The following ARHGEF19 variants were observed in gnomAD, a reference collection of about 807,000 sequenced individuals.
The protein encoded by ARHGEF19 is Rho guanine nucleotide exchange factor 19.
In ARHGEF19, 92 loss-of-function variants were observed where a neutral mutation model predicts 87.6. The ratio of observed to expected loss-of-function variants is 1.05; its 90% CI spans 0.89 to 1.25. The LOEUF (loss-of-function observed/expected upper bound fraction) is 1.25. Among genes scored for constraint, ARHGEF19 ranks in the 50% most tolerant of loss-of-function variants. ARHGEF19 has a pLI of 0.00. For missense variants in ARHGEF19, 1,054 were observed against 1,051.8 expected (o/e 1.00, Z -0.03); for synonymous variants, 438 against 446.2 (o/e 0.98, Z 0.23).
At chr1:16,209,667 C>A (rs539299850) in intron 1 of ARHGEF19, among the ~76,000 whole-genome samples, 1 of 152,194 alleles carries the variant, frequency 6.6e-6, no homozygotes, top group African/African-American at 2.4e-5. Context: ...CTCACAAACA[C>A]GCTGACCCGT....
chr1:16,206,661 G>A lies in ARHGEF19; in HGVS notation c.1137+287C>T. 1.9e-6 allele frequency: 1 copy of A among 514,952 alleles called. No individual in the cohort carries two copies. The highest frequency in any genetic ancestry group is 3.4e-5 in the East Asian group (1 of 29,324). 31.9% of individuals were successfully genotyped at this position (514,952 alleles called of 1,614,324 possible). On this transcript the variant is annotated intron_variant, in intron 6 of 15. Transcript: ENST00000270747. This position sits in a 1 kb window ranked among gnomAD's most constrained non-coding sequence, Gnocchi z 4.6. ...CCACCAGGCGTTTGCTCTTCCAATG[G>A]TTCCGCTCCTCATCCGGCCCTGTCC...
chr1:16,208,131 C>G lies in ARHGEF19; in HGVS notation c.507G>C (p.Gln169His). Residue 169 changes from glutamine to histidine, a missense_variant, in exon 3 of 16, where the codon CAG becomes CAC. Gln to His is a conservative substitution (Grantham distance 24, BLOSUM62 0). Transcript: ENST00000270747. ...FLEPGQVVQE[Q>H]ALSTEEPRVE... Reference sequence around the variant, plus strand: ...CCCTGGGCTCCTCTGTGCTCAGGGCCTGCTCTTGCACTACCTGGCCAGGCT... The same window carrying G: ...CCCTGGGCTCCTCTGTGCTCAGGGCGTGCTCTTGCACTACCTGGCCAGGCT... The G allele has an allele frequency of 6.2e-7, 1 of 1,613,520 alleles. No homozygotes were observed. The highest frequency in any genetic ancestry group is 1.1e-5 in the South Asian group (1 of 91,062).
chr1:16,200,418 C>CT (rs1234105809), intron 14 of ARHGEF19, among the ~76,000 whole-genome samples: 2 of 152,236 alleles, frequency 1.3e-5, no homozygotes, highest in Non-Finnish European at 2.9e-5. Flanking sequence ...CCTTTACTAC[C>CT]TAAAGCTCAG....
chr1:16,209,970 C>T (rs1390567016), intron 1 of ARHGEF19, among the ~76,000 whole-genome samples: 1 of 152,382 alleles, frequency 6.6e-6, no homozygotes, highest in South Asian at 2.1e-4. Flanking sequence ...GTCCCCCACC[C>T]CAGCTTCCAG....
Position 16,206,560 on chromosome 1 carries a change from C to T in ARHGEF19, c.1138-220G>A, listed in dbSNP as rs1348267691. 1.7e-6 allele frequency: 1 copy of T among 574,352 alleles called. No individual in the cohort carries two copies. Among genetic ancestry groups the T allele is most frequent in the South Asian group, 2.1e-5 (1 of 47,496 alleles). The allele number at this position is 574,352 out of a possible 1,614,324, so 35.6% of individuals were successfully genotyped here. A position where few individuals can be genotyped will look rare whatever the true frequency, so the allele number is the denominator to read the frequency against. On this transcript the variant is annotated intron_variant, in intron 6 of 15. Coordinates refer to ENST00000270747, the MANE Select transcript of ARHGEF19 (RefSeq NM_153213.5). The surrounding 1 kb of genome is among the most constrained non-coding windows in gnomAD (Gnocchi z 4.6). Reference sequence around the variant, plus strand: ...GATCCCGCCCCTCTCCTAAGCCCCGCCCCGACGCGTTCTTCCCAGAGCCCC... The same window carrying T: ...GATCCCGCCCCTCTCCTAAGCCCCGTCCCGACGCGTTCTTCCCAGAGCCCC...
At position 16,208,659 on chromosome 1, in the gene ARHGEF19, C is replaced by A; in HGVS notation, c.396G>T (p.Ser132=). 6.2e-7 allele frequency: 1 copy of A among 1,604,336 alleles called. No homozygotes were observed. Among genetic ancestry groups the A allele is most frequent in the Non-Finnish European group, 8.5e-7 (1 of 1,177,000 alleles). ...TQPQRRASHG[S]EKKSAWRKMR... is the part of the protein sequence containing the mutation. The stretch of plus-strand genomic sequence containing the variant: ...GTGACTCACAGGCAGACTTCTTCTC[C>A]GAGCCGTGGCTGGCCCGGCGCTGTG... Residue 132 remains serine (S), a synonymous_variant, in exon 2 of 16, where the codon TCG becomes TCT. Transcript: ENST00000270747.
rs1029088276 is a variant in ARHGEF19, at chr1:16,212,544, C to T, written c.-72G>A. 1 of 152,532 alleles carries T rather than the reference C, an allele frequency of 6.6e-6. No homozygotes were observed. Among genetic ancestry groups the T allele is most frequent in the Non-Finnish European group, 1.5e-5 (1 of 68,328 alleles). The allele number at this position is 152,532 out of a possible 1,614,324, so 9.4% of individuals were successfully genotyped here. A position where few individuals can be genotyped will look rare whatever the true frequency, so the allele number is the denominator to read the frequency against. On this transcript the variant is annotated 5_prime_UTR_variant, in exon 1 of 16. Transcript: ENST00000270747. Reference sequence around the variant, plus strand: ...GTCCAGCTGCCAGCACGGTCCAGGGCTCCGGGACACCCTGGGGGCTCTGGG... The same window carrying T: ...GTCCAGCTGCCAGCACGGTCCAGGGTTCCGGGACACCCTGGGGGCTCTGGG...
rs1191608992 is a variant in ARHGEF19, at chr1:16,198,824, G to C, written c.2252-80C>G. 4.0e-6 allele frequency: 6 copies of C among 1,499,546 alleles called. No individual in the cohort carries two copies. In the African/African-American group the frequency reaches 8.4e-5, roughly 21 times the overall value. 92.9% of individuals were successfully genotyped at this position (1,499,546 alleles called of 1,614,324 possible). The stretch of plus-strand genomic sequence containing the variant: ...TGGAAGGGAACACCACAGCCCTGAT[G>C]CAAGCTTTGTCTGCACCCTTGGGGC... On this transcript the variant is annotated intron_variant, in intron 15 of 15. Transcript: ENST00000270747. This position sits in a 1 kb window ranked among gnomAD's most constrained non-coding sequence, Gnocchi z 4.1.
rs748452389 is a variant in ARHGEF19 at position 16,205,393 on chromosome 1, T to C, written c.1614A>G (p.Glu538=). The C allele has an allele frequency of 6.2e-7, 1 of 1,613,254 alleles. No homozygotes were observed. Among genetic ancestry groups the C allele is most frequent in the African/African-American group, 1.3e-5 (1 of 74,894 alleles). The change falls in exon 10 of 16, where the codon GAA becomes GAG. Residue 538 remains glutamate, a synonymous_variant. Transcript: ENST00000270747. This position sits in a 1 kb window ranked among gnomAD's most constrained non-coding sequence, Gnocchi z 5.8. ...AGGCCTTGGTGGCCATGTCTTCGTCTTCAGAGCCCTGTGCTGTCCGCTTCA... is the reference window on the plus strand; with the variant it reads ...AGGCCTTGGTGGCCATGTCTTCGTCCTCAGAGCCCTGTGCTGTCCGCTTCA... ...NILKRTAQGS[E]DEDMATKAFN...
Position 16,208,170 on chromosome 1 carries a change from GT to G in ARHGEF19, c.467del (p.His156ProfsTer5). 1 of 1,613,332 alleles carries G rather than the reference GT, an allele frequency of 6.2e-7. No homozygotes were observed. On this transcript the variant is annotated frameshift_variant, in exon 3 of 16. Transcript: ENST00000270747. LOFTEE classifies it high-confidence loss of function. ...CCTGGCCAGGCTCTAGGAAGACAGC[GT>G]GGGCCTCGGGGCAGCCGGGGACCTC... The part of the protein sequence containing the change: ...REEVPGCPEA[H>X]AVFLEPGQVV...
intron 1 of ARHGEF19, 148 bp from the exon 2 acceptor site, chr1:16,209,231 G>A (rs539626598): frequency 2.0e-6 from 1 of 509,774 alleles, no homozygotes; most frequent in South Asian, 6.7e-5. Context: ...TATAGAAATA[G>A]CTGATACTTG....
chr1:16,201,997 GC>G, intron 13 of ARHGEF19, 136 bp from the exon 14 acceptor site: 2 of 810,650 alleles, frequency 2.5e-6, no homozygotes, highest in Non-Finnish European at 3.8e-6. Context: ...ACCCATGTCT[GC>G]CCCACCCCAG....
intron 14 of ARHGEF19, 37 bp from the exon 15 acceptor site, chr1:16,199,291 C>G: frequency 1.3e-6 from 2 of 1,593,504 alleles, no homozygotes; most frequent in South Asian, 2.2e-5. Flanking sequence ...GTCCCAAGGG[C>G]AGGATGGCAG....
At chr1:16,209,152 A>G in intron 1 of ARHGEF19, 69 bp from the exon 2 acceptor site, 1 of 1,239,634 alleles carries the variant, frequency 8.1e-7, no homozygotes, top group East Asian at 3.0e-5. Context: ...CCACCCCTGG[A>G]GGCCTGGACA....
At chr1:16,200,734 A>ACT (rs762096941) in intron 14 of ARHGEF19, among the ~76,000 whole-genome samples, 1 of 144,332 alleles carries the variant, frequency 6.9e-6, no homozygotes, top group Non-Finnish European at 1.5e-5. Context: ...GCAGGGTGAG[A>ACT]CTCTGTCTCA....
Position 16,205,187 on chromosome 1 carries a change from C to T in ARHGEF19, c.1657-11G>A, listed in dbSNP as rs373779010. 62 of 1,593,844 alleles carry T rather than the reference C, an allele frequency of 3.9e-5. No homozygotes were observed. The highest frequency in any genetic ancestry group is 1.2e-4 in the South Asian group (11 of 88,714). On this transcript the variant is annotated splice_polypyrimidine_tract_variant and intron_variant, in intron 10 of 15. Coordinates refer to ENST00000270747, the MANE Select transcript of ARHGEF19 (RefSeq NM_153213.5). This position sits in a 1 kb window ranked among gnomAD's most constrained non-coding sequence, Gnocchi z 5.8. ...GCACTCCTGCACCAGCTGGGGGAGC[C>T]GTGGGGAGGTCACCTGCAGCCCCTC...
In ARHGEF19 at chr1:16,204,775, G is replaced by C. The variant is rs748942395; in HGVS notation, c.1891C>G (p.Leu631Val). The C allele has an allele frequency of 1.1e-5, 17 of 1,604,144 alleles. No homozygotes were observed. In the Admixed American group the frequency reaches 2.7e-4, roughly 25 times the overall value. The change falls in exon 12 of 16, where the codon CTC becomes GTC. Residue 631 changes from leucine (L) to valine (V), a missense_variant. Coordinates refer to ENST00000270747, the MANE Select transcript of ARHGEF19 (RefSeq NM_153213.5). ...CCGACTCACTCCTTCCGCCGAGAGA[G>C]CAGCAAGCAGTCATTGAAGAGGTGG... ...YLHLFNDCLL[L>V]SRRKELGKFA...
chr1:16,203,652 T>A (rs1424209288), intron 12 of ARHGEF19, among the ~76,000 whole-genome samples: 1 of 152,198 alleles, frequency 6.6e-6, no homozygotes, highest in Non-Finnish European at 1.5e-5. Context: ...TCCAGCCACA[T>A]TAGGCTTCAT....
chr1:16,207,960 G>T lies in ARHGEF19; in HGVS notation c.678C>A (p.Thr226=), dbSNP rs758325900. 2.6e-5 allele frequency: 41 copies of T among 1,605,686 alleles called. No individual in the cohort carries two copies. The East Asian group carries it at 8.3e-4, about 33-fold the overall frequency. ...AARALISGSG[T]GAAREGKASG... ...AGCTGGTACCTTCCCGGGCTGCTCCGGTGCCTGACCCAGAGATGAGTGCCC... is the reference window on the plus strand; with the variant it reads ...AGCTGGTACCTTCCCGGGCTGCTCCTGTGCCTGACCCAGAGATGAGTGCCC... The change falls in exon 3 of 16, where the codon ACC becomes ACA. Residue 226 remains threonine (T), a synonymous_variant. Transcript: ENST00000270747. This position sits in a 1 kb window ranked among gnomAD's most constrained non-coding sequence, Gnocchi z 4.0.
Sources: allele counts gnomAD v4.1 joint callset (sites outside exome capture counted in the v4.1 genomes callset), GRCh38; gene constraint gnomAD v4.1.1; non-coding constraint Gnocchi (gnomAD v3.1); transcripts MANE v1.5; gene names NCBI Gene and HGNC (gene_info 2026-07-23, HGNC 2026-07-21).